SYNPR: variants seen among roughly 807,000 people sequenced by gnomAD.
The protein encoded by SYNPR is synaptoporin.
SYNPR carries 23 observed loss-of-function variants against 32.9 expected under a neutral mutation model. The observed-to-expected ratio is 0.70, with a 90% CI of 0.50 to 0.99. SYNPR has a LOEUF of 0.99. Among genes scored for constraint, SYNPR ranks in the 50% least tolerant of loss-of-function variants. The probability of loss-of-function intolerance (pLI) is 0.00; values close to 1 mark genes in which losing one functional copy is unlikely to be tolerated. For missense variants in SYNPR, 318 were observed against 349.3 expected, an observed-to-expected ratio of 0.91 and a Z score of 0.71; for synonymous variants, 146 against 135.9, an observed-to-expected ratio of 1.07 and a Z score of -0.52.
intron 2 of SYNPR, among the ~76,000 whole-genome samples, chr3:63,328,564 C>G (rs2087190732): frequency 6.6e-6 from 1 of 152,218 alleles, no homozygotes. Flanking sequence ...AACATAAAAG[C>G]AAAATTGCTG....
chr3:63,519,250 C>T (rs1037530014), intron 3 of SYNPR, among the ~76,000 whole-genome samples: 25 of 152,066 alleles, frequency 1.6e-4, no homozygotes, highest in African/African-American at 4.8e-4. Flanking sequence ...GGTTTTTAAG[C>T]TCTGAAATCA....
intron 2 of SYNPR, among the ~76,000 whole-genome samples, chr3:63,418,030 T>C (rs2088564189): frequency 6.6e-6 from 1 of 152,204 alleles, no homozygotes; most frequent in Non-Finnish European, 1.5e-5. Context: ...GAAAATGGGA[T>C]TTTTCTTTCT....
At chr3:63,575,020 T>G (rs1347872007) in intron 4 of SYNPR, among the ~76,000 whole-genome samples, 1 of 152,018 alleles carries the variant, frequency 6.6e-6, no homozygotes, top group Non-Finnish European at 1.5e-5. Context: ...TACACATGAC[T>G]GTGTATGTGC....
intron 2 of SYNPR, among the ~76,000 whole-genome samples, chr3:63,383,426 A>G (rs1049181443): frequency 1.3e-5 from 2 of 152,204 alleles, no homozygotes; most frequent in Non-Finnish European, 2.9e-5. Context: ...AAAGAATAAA[A>G]GAGGCCAGGA....
At chr3:63,478,333 T>C (rs1047916141) in intron 2 of SYNPR, among the ~76,000 whole-genome samples, 10 of 152,216 alleles carry the variant, frequency 6.6e-5, no homozygotes, top group African/African-American at 2.2e-4. Flanking sequence ...TGGACAAGAT[T>C]TGTTTTTATA....
At chr3:63,422,854 C>T (rs1191543775) in intron 2 of SYNPR, among the ~76,000 whole-genome samples, 1 of 151,972 alleles carries the variant, frequency 6.6e-6, no homozygotes, top group Non-Finnish European at 1.5e-5. Flanking sequence ...CAAGGATACT[C>T]ATTGTATATT....
intron 4 of SYNPR, among the ~76,000 whole-genome samples, chr3:63,566,656 G>A (rs1387942941): frequency 1.3e-5 from 2 of 152,240 alleles, no homozygotes; most frequent in East Asian, 3.9e-4. Context: ...GACTGCCTGG[G>A]CCCAAATCTC....
At chr3:63,235,326 C>T (rs142926162) in intron 1 of SYNPR, among the ~76,000 whole-genome samples, 4 of 152,236 alleles carry the variant, frequency 2.6e-5, no homozygotes, top group Non-Finnish European at 4.4e-5. Flanking sequence ...GAAGTTCATA[C>T]GGAACAATTA....
chr3:63,565,760 T>A (rs1702772818), intron 4 of SYNPR, among the ~76,000 whole-genome samples: 1 of 152,152 alleles, frequency 6.6e-6, no homozygotes, highest in African/African-American at 2.4e-5. Context: ...CTAGAGGCAA[T>A]TCAGGTCCAC....
chr3:63,381,002 A>G (rs2087960980), intron 2 of SYNPR, among the ~76,000 whole-genome samples: 1 of 152,170 alleles, frequency 6.6e-6, no homozygotes, highest in South Asian at 2.1e-4. Context: ...CAAGACAGGG[A>G]TGCCCTCTCT....
intron 2 of SYNPR, chr3:63,267,289 G>A (rs1445701181): frequency 6.6e-6 from 1 of 152,188 alleles, no homozygotes; most frequent in Non-Finnish European, 1.5e-5. Context: ...TGGGCCACAT[G>A]TCAAGGAACC....
intron 3 of SYNPR, among the ~76,000 whole-genome samples, chr3:63,273,085 A>G (rs1317479864): frequency 6.6e-6 from 1 of 152,106 alleles, no homozygotes; most frequent in East Asian, 1.9e-4. Context: ...TTTTTTTCTA[A>G]TTGTGTTCTA....
chr3:63,449,831 C>T (rs1700346707), intron 2 of SYNPR, among the ~76,000 whole-genome samples: 1 of 152,140 alleles, frequency 6.6e-6, no homozygotes, highest in Non-Finnish European at 1.5e-5. Flanking sequence ...TCATTTGATT[C>T]TAGCAGTCAA....
chr3:63,476,670 G>A (rs1211666230), intron 2 of SYNPR, among the ~76,000 whole-genome samples: 1 of 152,092 alleles, frequency 6.6e-6, no homozygotes, highest in African/African-American at 2.4e-5. Flanking sequence ...TAGAGACCCA[G>A]GATCCTACTT....
Position 63,332,398 on chromosome 3 carries a change from A to G in SYNPR, c.84+53656A>G, listed in dbSNP as rs1020010899. Among the ~76,000 whole-genome samples the G allele has an allele frequency of 7.9e-5, 12 of 152,182 alleles. No homozygotes were observed. In the East Asian group the frequency reaches 9.6e-4, roughly 12 times the overall value. Reference sequence around the variant, plus strand: ...ATACTTCGGAAGTAACTGATCAATTAATGACTGCGTCTCACATCAGAATGT... The same window carrying G: ...ATACTTCGGAAGTAACTGATCAATTGATGACTGCGTCTCACATCAGAATGT... On this transcript the variant is annotated intron_variant, in intron 2 of 5. Coordinates refer to ENST00000478300, the MANE Select transcript of SYNPR (RefSeq NM_001130003.2).
intron 2 of SYNPR, among the ~76,000 whole-genome samples, chr3:63,317,838 GT>G (rs2087059505): frequency 6.6e-6 from 1 of 151,748 alleles, no homozygotes; most frequent in Non-Finnish European, 1.5e-5. Context: ...ACATATTTTT[GT>G]TTTACAAGTC....
At chr3:63,257,145 C>A (rs1453020488) in intron 2 of SYNPR, among the ~76,000 whole-genome samples, 1 of 152,174 alleles carries the variant, frequency 6.6e-6, no homozygotes, top group African/African-American at 2.4e-5. Flanking sequence ...AAACACTCTG[C>A]AGGATATTAT....
intron 2 of SYNPR, among the ~76,000 whole-genome samples, chr3:63,341,898 T>A (rs894016084): frequency 6.6e-6 from 1 of 152,174 alleles, no homozygotes; most frequent in Non-Finnish European, 1.5e-5. Context: ...TTGTCATGGA[T>A]TGTGTTTTTG....
At chr3:63,463,416 G>A (rs574740891) in intron 2 of SYNPR, among the ~76,000 whole-genome samples, 9 of 152,260 alleles carry the variant, frequency 5.9e-5, no homozygotes, top group Admixed American at 3.9e-4. Flanking sequence ...AGAAACCTAA[G>A]TGGACAGTAG....
Sources: gnomAD v4.1 joint callset for allele counts (sites outside exome capture counted in the v4.1 genomes callset) on GRCh38, gnomAD v4.1.1 for gene constraint, MANE v1.5 for transcripts, NCBI Gene and HGNC (gene_info 2026-07-23, HGNC 2026-07-21) for gene names.